MYO9A: variants seen among roughly 807,000 people sequenced by gnomAD.
MYO9A encodes unconventional myosin-IXa.
MYO9A carries 103 observed loss-of-function variants against 293.3 expected under a neutral mutation model. That is an observed-to-expected ratio of 0.35 (90% CI 0.30 to 0.41). The LOEUF (loss-of-function observed/expected upper bound fraction) is 0.41, where lower values mean the gene tolerates loss of function less well. Ranked by LOEUF, MYO9A falls within the 10% of genes least tolerant of loss-of-function variation. MYO9A has a pLI of 1.00. For missense variants in MYO9A, 2,685 were observed against 3,033.0 expected, an observed-to-expected ratio of 0.89 and a Z score of 2.69; for synonymous variants, 1,001 against 1,035.7, an observed-to-expected ratio of 0.97 and a Z score of 0.64.
chr15:72,040,377 G>A (rs1401914789), intron 2 of MYO9A: 1 of 152,288 alleles, frequency 6.6e-6, no homozygotes, highest in Non-Finnish European at 1.5e-5. Context: ...GGAAGACAGG[G>A]TGAAGACTTG....
At chr15:71,985,294 C>G (rs2076382734) in intron 11 of MYO9A, among the ~76,000 whole-genome samples, 1 of 152,136 alleles carries the variant, frequency 6.6e-6, no homozygotes, top group Non-Finnish European at 1.5e-5. Context: ...CTCTCTCTCT[C>G]TCTGTTTTGG....
At chr15:71,830,931 A>T (rs1387219714) in intron 39 of MYO9A, among the ~76,000 whole-genome samples, 1 of 146,322 alleles carries the variant, frequency 6.8e-6, no homozygotes, top group Non-Finnish European at 1.5e-5. Flanking sequence ...GGAAACTTCT[A>T]TCCTTGAGAT....
At chr15:71,827,807 CTTTGTCTTAG>C in intron 41 of MYO9A, 67 bp downstream of exon 41, 3 of 1,462,874 alleles carry the variant, frequency 2.1e-6, no homozygotes, top group Non-Finnish European at 2.8e-6. Context: ...TCTTAAAAGA[CTTTGTCTTAG>C]TTTTGGAATC....
At chr15:71,998,565 C>CTTTTTTTTTTTT (rs11443228) in intron 9 of MYO9A, among the ~76,000 whole-genome samples, 1 of 140,070 alleles carries the variant, frequency 7.1e-6, no homozygotes, top group Non-Finnish European at 1.5e-5. Flanking sequence ...TTTTTTTTGT[C>CTTTTTTTTTTTT]TTTTTTTTTC....
chr15:71,937,038 AG>A (rs1292652268), intron 16 of MYO9A, among the ~76,000 whole-genome samples: 2 of 140,282 alleles, frequency 1.4e-5, no homozygotes, highest in Non-Finnish European at 3.1e-5. Context: ...GGAAAAACGA[AG>A]GGAGGGAGGG....
chr15:71,921,258 C>A (rs1420976215), intron 18 of MYO9A, among the ~76,000 whole-genome samples: 1 of 152,186 alleles, frequency 6.6e-6, no homozygotes, highest in African/African-American at 2.4e-5. Flanking sequence ...GCTGCCTCTG[C>A]ATTTCAAGTG....
chr15:71,849,597 C>T (rs1422859681), intron 38 of MYO9A, among the ~76,000 whole-genome samples: 1 of 151,068 alleles, frequency 6.6e-6, no homozygotes, highest in Non-Finnish European at 1.5e-5. Flanking sequence ...GTTCCTTTTG[C>T]AGTCAAGATT....
At chr15:71,962,547 T>G (rs2075772246) in intron 13 of MYO9A, among the ~76,000 whole-genome samples, 1 of 152,126 alleles carries the variant, frequency 6.6e-6, no homozygotes, top group Admixed American at 6.5e-5. Flanking sequence ...CCAAATAACC[T>G]CTGACACCAT....
At chr15:71,981,956 C>T (rs1219114824) in intron 11 of MYO9A, among the ~76,000 whole-genome samples, 1 of 144,806 alleles carries the variant, frequency 6.9e-6, no homozygotes, top group Admixed American at 6.9e-5. Flanking sequence ...TGTAACGTGT[C>T]ATTAGGTACA....
intron 1 of MYO9A, among the ~76,000 whole-genome samples, chr15:72,091,800 G>A (rs1397818234): frequency 6.7e-6 from 1 of 150,328 alleles, no homozygotes; most frequent in African/African-American, 2.5e-5. Context: ...TGCAAGCTCC[G>A]CCTCCCAGGT....
chr15:72,000,899 C>T (rs1010926525), intron 8 of MYO9A, among the ~76,000 whole-genome samples: 3 of 152,160 alleles, frequency 2.0e-5, no homozygotes, highest in Admixed American at 6.5e-5. Flanking sequence ...GGCATTTACA[C>T]GATTTACAAT....
intron 1 of MYO9A, among the ~76,000 whole-genome samples, chr15:72,059,477 T>C (rs1400373899): frequency 6.6e-6 from 1 of 152,248 alleles, no homozygotes; most frequent in Non-Finnish European, 1.5e-5. Flanking sequence ...CTGGATTACT[T>C]CAGTTGACCT....
intron 31 of MYO9A, among the ~76,000 whole-genome samples, chr15:71,876,699 GCTGGGATTACAGGCATGAGCCA>G (rs2056704982): frequency 6.6e-6 from 1 of 152,062 alleles, no homozygotes; most frequent in African/African-American, 2.4e-5. Flanking sequence ...CTCCCAAAGT[GCTGGGATTACAGGCATGAGCCA>G]CTGTGCCAAG....
At chr15:71,920,954 A>G (rs1305348417) in intron 18 of MYO9A, among the ~76,000 whole-genome samples, 1 of 152,146 alleles carries the variant, frequency 6.6e-6, no homozygotes, top group African/African-American at 2.4e-5. Flanking sequence ...AAAAATAATA[A>G]CTTCAAGATT....
intron 3 of MYO9A, among the ~76,000 whole-genome samples, chr15:72,031,264 G>A (rs2077860247): frequency 6.6e-6 from 1 of 152,136 alleles, no homozygotes; most frequent in African/African-American, 2.4e-5. Flanking sequence ...GCTGGGCACA[G>A]TGGCTCATGC....
chr15:71,859,486 G>A (rs759844693), intron 34 of MYO9A, among the ~76,000 whole-genome samples: 3 of 152,148 alleles, frequency 2.0e-5, no homozygotes, highest in Non-Finnish European at 2.9e-5. Context: ...TGTGGTTTAC[G>A]AAATTAATTT....
At chr15:71,913,951 T>C (rs1456696952) in intron 19 of MYO9A, among the ~76,000 whole-genome samples, 2 of 152,150 alleles carry the variant, frequency 1.3e-5, no homozygotes, top group East Asian at 3.8e-4. Context: ...GTACCAGAAA[T>C]TGTTAGGTCT....
chr15:72,023,719 GA>G (rs2077575942), intron 4 of MYO9A, among the ~76,000 whole-genome samples: 1 of 137,892 alleles, frequency 7.3e-6, no homozygotes. Context: ...AAAAAGAAAA[GA>G]AAAAAAGGCT....
intron 19 of MYO9A, among the ~76,000 whole-genome samples, chr15:71,912,258 G>GTTTT (rs34858713): frequency 6.9e-6 from 1 of 145,690 alleles, no homozygotes; most frequent in Non-Finnish European, 1.5e-5. Flanking sequence ...AAAGAGAAAA[G>GTTTT]TTTTTTTTTT....
Sources: gnomAD v4.1 joint callset for allele counts (sites outside exome capture counted in the v4.1 genomes callset) on GRCh38, gnomAD v4.1.1 for gene constraint, MANE v1.5 for transcripts, NCBI Gene and HGNC (gene_info 2026-07-23, HGNC 2026-07-21) for gene names.